EPM2A: variants seen among roughly 807,000 people sequenced by gnomAD.
EPM2A encodes laforin.
EPM2A carries 21 observed loss-of-function variants against 26.5 expected under a neutral mutation model. The observed-to-expected ratio is 0.79, with a 90% CI of 0.56 to 1.14. The LOEUF (loss-of-function observed/expected upper bound fraction) is 1.14, where lower values mean the gene tolerates loss of function less well. EPM2A is among the 50% of genes most tolerant of loss of function. The pLI, the probability that EPM2A is intolerant of heterozygous loss-of-function variation, is 0.00. For synonymous variants in EPM2A, 217 were observed against 177.6 expected, an observed-to-expected ratio of 1.22 and a Z score of -1.76; for missense variants, 458 against 440.8, an observed-to-expected ratio of 1.04 and a Z score of -0.35.
At chr6:145,731,048 T>C (rs990850539) in intron 1 of EPM2A, among the ~76,000 whole-genome samples, 8 of 151,760 alleles carry the variant, frequency 5.3e-5, no homozygotes, top group African/African-American at 1.9e-4. Flanking sequence ...CTGTGATGTC[T>C]ACAGACCCAC....
At chr6:145,543,559 G>C (rs1408233395) in intron 2 of EPM2A, among the ~76,000 whole-genome samples, 1 of 152,026 alleles carries the variant, frequency 6.6e-6, no homozygotes, top group Non-Finnish European at 1.5e-5. Flanking sequence ...CAAATCACCT[G>C]CTTTTTCTAT....
chr6:145,499,640 T>A (rs1779862293), downstream of EPM2A, among the ~76,000 whole-genome samples: 1 of 152,182 alleles, frequency 6.6e-6, no homozygotes, highest in Non-Finnish European at 1.5e-5. Context: ...CATGCATGAG[T>A]GAGTGAATTA....
At chr6:145,550,713 A>G (rs959694900) in intron 2 of EPM2A, among the ~76,000 whole-genome samples, 4 of 152,110 alleles carry the variant, frequency 2.6e-5, no homozygotes, top group African/African-American at 9.7e-5. Flanking sequence ...AACAAGGATG[A>G]AGACTTTTAA....
chr6:145,644,689 A>G (rs1392678528), intron 2 of EPM2A, among the ~76,000 whole-genome samples: 2 of 152,062 alleles, frequency 1.3e-5, no homozygotes, highest in African/African-American at 2.4e-5. Context: ...AATTAAAAAT[A>G]TTATAATATT....
At chr6:145,455,106 T>C (rs1779246136) in intron 4 of EPM2A, among the ~76,000 whole-genome samples, 1 of 152,112 alleles carries the variant, frequency 6.6e-6, no homozygotes, top group Non-Finnish European at 1.5e-5. Flanking sequence ...ATAGAGATAT[T>C]GACTCTAAAT....
chr6:145,675,041 T>G (rs2128603206), intron 2 of EPM2A, among the ~76,000 whole-genome samples: 1 of 152,220 alleles, frequency 6.6e-6, no homozygotes, highest in Middle Eastern at 3.4e-3. Flanking sequence ...GAGAGAAAGG[T>G]CGGGTTACCC....
At chr6:145,660,528 G>A (rs1471978267) in intron 2 of EPM2A, among the ~76,000 whole-genome samples, 1 of 152,200 alleles carries the variant, frequency 6.6e-6, no homozygotes, top group Non-Finnish European at 1.5e-5. Context: ...CTGGCTGAGT[G>A]CGGTAGCTCA....
chr6:145,582,338 A>G (rs1381436856), intron 2 of EPM2A, among the ~76,000 whole-genome samples: 2 of 152,020 alleles, frequency 1.3e-5, no homozygotes, highest in Non-Finnish European at 2.9e-5. Flanking sequence ...AAATTTGCTG[A>G]GAATTGTCTA....
chr6:145,456,946 C>A (rs111601528), intron 4 of EPM2A, among the ~76,000 whole-genome samples: 2 of 151,802 alleles, frequency 1.3e-5, no homozygotes, highest in African/African-American at 4.8e-5. Flanking sequence ...AGTAAGACAA[C>A]GGTATAAAAT....
At chr6:145,412,045 G>A (rs111624870) in intron 4 of EPM2A, among the ~76,000 whole-genome samples, 2,069 of 151,870 alleles carry the variant, frequency 0.014, 34 homozygotes, top group African/African-American at 0.045. Flanking sequence ...TAGTGAAACC[G>A]TCTCTACTAA....
rs957072394 is a variant in EPM2A at position 145,577,823 on chromosome 6, CA to C, written c.340+57421del. 3.3e-5 allele frequency among the ~76,000 whole-genome samples: 5 copies of C among 150,842 alleles called. No homozygotes were observed. In the South Asian group the frequency reaches 8.4e-4, roughly 25 times the overall value. ...AGCATAAAACAAGTCTCAAAAATTT[CA>C]AAAAAAATTGAAATTATATCAACTA... On this transcript the variant is annotated intron_variant, in intron 2 of 3. Coordinates refer to the EPM2A transcript ENST00000450221.
At chr6:145,705,931 G>A (rs1356398833) in intron 1 of EPM2A, 1 of 456,824 alleles carries the variant, frequency 2.2e-6, no homozygotes, top group South Asian at 1.5e-5. Context: ...TGGGTAACAT[G>A]GAAGAAAGAG....
At chr6:145,716,074 T>C (rs558240625) in intron 1 of EPM2A, among the ~76,000 whole-genome samples, 2 of 152,322 alleles carry the variant, frequency 1.3e-5, no homozygotes, top group South Asian at 2.1e-4. Context: ...ACTTATACTA[T>C]CAAATACCTA....
At chr6:145,447,158 CAAT>C (rs1779137881) in intron 4 of EPM2A, among the ~76,000 whole-genome samples, 1 of 151,996 alleles carries the variant, frequency 6.6e-6, no homozygotes, top group Admixed American at 6.6e-5. Flanking sequence ...AAAAGATACT[CAAT>C]AAATATTTCT....
intron 4 of EPM2A, among the ~76,000 whole-genome samples, chr6:145,404,167 T>G (rs1289045058): frequency 6.6e-6 from 1 of 152,068 alleles, no homozygotes; most frequent in East Asian, 1.9e-4. Context: ...TGGTTATGAA[T>G]CCCTTGTCAG....
chr6:145,564,636 TA>T (rs1214620129), intron 2 of EPM2A, among the ~76,000 whole-genome samples: 1 of 152,214 alleles, frequency 6.6e-6, no homozygotes, highest in Admixed American at 6.5e-5. Flanking sequence ...GGTTTATGTA[TA>T]AATTAGGTGG....
intron 4 of EPM2A, among the ~76,000 whole-genome samples, chr6:145,488,912 A>G (rs1779719692): frequency 6.6e-6 from 1 of 152,172 alleles, no homozygotes; most frequent in South Asian, 2.1e-4. Flanking sequence ...AGCGAAAAAT[A>G]ACTCGTGGTT....
chr6:145,431,535 T>C (rs565898822), intron 4 of EPM2A, among the ~76,000 whole-genome samples: 7 of 152,380 alleles, frequency 4.6e-5, no homozygotes, highest in African/African-American at 1.7e-4. Context: ...CTGTGGTCTA[T>C]TAAGTATGCA....
At position 145,537,719 on chromosome 6, in the gene EPM2A, A is replaced by G. The variant is rs140398848; in HGVS notation, c.341-35144T>C. Among the ~76,000 whole-genome samples the G allele has an allele frequency of 3.6e-3, 542 of 151,734 alleles. 2 individuals carry two copies. Among genetic ancestry groups the G allele is most frequent in the African/African-American group, 0.012 (502 of 41,356 alleles). On this transcript the variant is annotated intron_variant, in intron 2 of 3. Coordinates refer to the EPM2A transcript ENST00000450221. ...AATCTAGGTTTTAAGCCCAGCATGC[A>G]TTAGGTATTTGTTCTAATGCTCTCG...
Sources: allele counts gnomAD v4.1 joint callset (sites outside exome capture counted in the v4.1 genomes callset), GRCh38; gene constraint gnomAD v4.1.1; transcripts MANE v1.5; gene names NCBI Gene and HGNC (gene_info 2026-07-23, HGNC 2026-07-21).